The following PDE1A variants were observed in gnomAD, a reference collection of about 807,000 sequenced individuals.
PDE1A encodes dual specificity calcium/calmodulin-dependent 3',5'-cyclic nucleotide phosphodiesterase 1A.
In PDE1A, 35 loss-of-function variants were observed where a neutral mutation model predicts 61.7. That is an observed-to-expected ratio of 0.57 (90% CI 0.43 to 0.75). The LOEUF (loss-of-function observed/expected upper bound fraction) is 0.75. PDE1A is among the 30% of genes least tolerant of loss of function. The probability of loss-of-function intolerance (pLI) is 0.00; values close to 1 mark genes in which losing one functional copy is unlikely to be tolerated. For missense variants in PDE1A, 597 were observed against 630.6 expected, an observed-to-expected ratio of 0.95 and a Z score of 0.57; for synonymous variants, 232 against 213.2, an observed-to-expected ratio of 1.09 and a Z score of -0.77.
intron 1 of PDE1A, among the ~76,000 whole-genome samples, chr2:182,290,186 T>G (rs1694434355): frequency 6.6e-6 from 1 of 152,160 alleles, no homozygotes; most frequent in African/African-American, 2.4e-5. Context: ...TTACATATTC[T>G]ATAGCCTTTT....
rs538462839 is a variant in PDE1A, at chr2:182,417,942, A to C, written c.53+8636T>G. Among the ~76,000 whole-genome samples the C allele has an allele frequency of 3.3e-5, 5 of 152,282 alleles. No individual in the cohort carries two copies. The East Asian group carries it at 9.6e-4, about 29-fold the overall frequency. ...ACTGTTTCAAAATAAACGTTATATA[A>C]TTTGCAGGTATTACAAAAATATTTA... On this transcript the variant is annotated intron_variant, in intron 1 of 13. Transcript: ENST00000351439.
chr2:182,308,534 C>T (rs1695749849), intron 1 of PDE1A, among the ~76,000 whole-genome samples: 1 of 151,936 alleles, frequency 6.6e-6, no homozygotes, highest in South Asian at 2.1e-4. Context: ...TTTTCTCCCC[C>T]TTCATTTTTA....
intron 7 of PDE1A, among the ~76,000 whole-genome samples, chr2:182,209,611 T>A (rs1282999589): frequency 6.6e-6 from 1 of 151,740 alleles, no homozygotes; most frequent in Non-Finnish European, 1.5e-5. Flanking sequence ...AGGAGGTGAC[T>A]AGATCATGGG....
chr2:182,345,532 A>G (rs1698467256), intron 1 of PDE1A, among the ~76,000 whole-genome samples: 1 of 152,030 alleles, frequency 6.6e-6, no homozygotes, highest in Non-Finnish European at 1.5e-5. Flanking sequence ...ATACGACTTA[A>G]GAGACTCTAC....
chr2:182,566,308 C>T, the PDE1A span, among the ~76,000 whole-genome samples: 1 of 152,002 alleles, frequency 6.6e-6, no homozygotes, highest in Non-Finnish European at 1.5e-5. Flanking sequence ...TTTGACCCTA[C>T]ACCTTCTAAT....
the PDE1A span, among the ~76,000 whole-genome samples, chr2:182,664,321 A>T: frequency 1.3e-5 from 2 of 152,192 alleles, no homozygotes; most frequent in Non-Finnish European, 2.9e-5. Flanking sequence ...TACAAACATT[A>T]CTTGCAAAAC....
the PDE1A span, among the ~76,000 whole-genome samples, chr2:182,547,955 T>C: frequency 6.6e-6 from 1 of 152,052 alleles, no homozygotes; most frequent in Non-Finnish European, 1.5e-5. Context: ...AACCGAGAAG[T>C]AGGGTCTGAG....
At chr2:182,419,329 T>C (rs143902411) in intron 1 of PDE1A, among the ~76,000 whole-genome samples, 1,832 of 150,988 alleles carry the variant, frequency 0.012, 26 homozygotes, top group South Asian at 0.046. Context: ...CATTCTTTTT[T>C]TCTTTTCTTT....
At chr2:182,687,241 T>C in the PDE1A span, among the ~76,000 whole-genome samples, 1 of 152,214 alleles carries the variant, frequency 6.6e-6, no homozygotes, top group Non-Finnish European at 1.5e-5. Context: ...CCTCCTCAAG[T>C]GGGTCCCTGA....
At chr2:182,540,337 T>A in the PDE1A span, among the ~76,000 whole-genome samples, 1 of 128,284 alleles carries the variant, frequency 7.8e-6, no homozygotes, top group African/African-American at 2.9e-5. Flanking sequence ...CACTCCAGCC[T>A]GGGCAACAGA....
intron 1 of PDE1A, among the ~76,000 whole-genome samples, chr2:182,371,462 T>C (rs1441348981): frequency 6.6e-6 from 1 of 152,174 alleles, no homozygotes; most frequent in East Asian, 1.9e-4. Context: ...AGGGAGAAGA[T>C]TGCAACAAGC....
At chr2:182,387,920 A>G (rs1288245175) in intron 1 of PDE1A, among the ~76,000 whole-genome samples, 1 of 152,226 alleles carries the variant, frequency 6.6e-6, no homozygotes, top group Non-Finnish European at 1.5e-5. Flanking sequence ...AAAAGACCCA[A>G]GTATATGCTG....
At chr2:182,539,049 T>C in the PDE1A span, among the ~76,000 whole-genome samples, 6 of 152,304 alleles carry the variant, frequency 3.9e-5, no homozygotes, top group African/African-American at 4.8e-5. Flanking sequence ...TATGTGTCAA[T>C]AGTACCTTTC....
At chr2:182,635,194 T>C in the PDE1A span, among the ~76,000 whole-genome samples, 1 of 152,090 alleles carries the variant, frequency 6.6e-6, no homozygotes, top group Non-Finnish European at 1.5e-5. Context: ...TTTAGAATTT[T>C]TTGATGTTGC....
chr2:182,451,804 C>A (rs1485032313), intron 2 of PDE1A, among the ~76,000 whole-genome samples: 1 of 152,070 alleles, frequency 6.6e-6, no homozygotes, highest in East Asian at 1.9e-4. Flanking sequence ...CCCCTCTCTC[C>A]TACTGCCTCC....
the PDE1A span, among the ~76,000 whole-genome samples, chr2:182,714,082 T>C: frequency 6.6e-6 from 1 of 152,238 alleles, no homozygotes; most frequent in Non-Finnish European, 1.5e-5. Context: ...CTTTTTTACA[T>C]CCTGTATGGG....
At chr2:182,228,000 G>A (rs1324697722) in intron 6 of PDE1A, among the ~76,000 whole-genome samples, 2 of 152,098 alleles carry the variant, frequency 1.3e-5, no homozygotes, top group Non-Finnish European at 2.9e-5. Context: ...AGAACGCAGT[G>A]CCAGGAGCCC....
the PDE1A span, among the ~76,000 whole-genome samples, chr2:182,576,433 T>A: frequency 6.6e-6 from 1 of 152,238 alleles, no homozygotes; most frequent in East Asian, 1.9e-4. Flanking sequence ...CCTTTGTATG[T>A]ATAGGCCACA....
chr2:182,415,712 A>G (rs1702874604), intron 1 of PDE1A, among the ~76,000 whole-genome samples: 1 of 152,156 alleles, frequency 6.6e-6, no homozygotes, highest in Non-Finnish European at 1.5e-5. Context: ...TGTTAAATCT[A>G]TATTTGTGCA....
Sources: gnomAD v4.1 joint callset for allele counts (sites outside exome capture counted in the v4.1 genomes callset) on GRCh38, gnomAD v4.1.1 for gene constraint, MANE v1.5 for transcripts, NCBI Gene and HGNC (gene_info 2026-07-23, HGNC 2026-07-21) for gene names.